CELF2: variants seen among roughly 807,000 people sequenced by gnomAD.
CELF2 encodes the protein CUG triplet repeat RNA-binding protein 2.
Under a neutral mutation model 62.6 loss-of-function variants are expected in CELF2, and 8 were observed. That is an observed-to-expected ratio of 0.13 (90% CI 0.07 to 0.23). The LOEUF (loss-of-function observed/expected upper bound fraction) is 0.23. Among genes scored for constraint, CELF2 ranks in the 10% least tolerant of loss-of-function variants. The probability of loss-of-function intolerance (pLI) is 1.00; values close to 1 mark genes in which losing one functional copy is unlikely to be tolerated. For synonymous variants in CELF2, 258 were observed against 250.0 expected, an observed-to-expected ratio of 1.03 and a Z score of -0.30; for missense variants, 333 against 671.0, an observed-to-expected ratio of 0.50 and a Z score of 5.56.
At chr10:11,042,634 C>G (rs2062038738) in intron 1 of CELF2, among the ~76,000 whole-genome samples, 3 of 152,150 alleles carry the variant, frequency 2.0e-5, no homozygotes, top group Admixed American at 1.3e-4. Flanking sequence ...ACTATCTTTT[C>G]CAGGACAATT....
intron 2 of CELF2, among the ~76,000 whole-genome samples, chr10:11,216,356 C>T (rs977696136): frequency 2.0e-5 from 3 of 152,180 alleles, no homozygotes; most frequent in African/African-American, 7.2e-5. Flanking sequence ...TGGCCCCTGT[C>T]TGGCTCCGTG....
At chr10:10,496,781 A>G in the CELF2 span, among the ~76,000 whole-genome samples, 1 of 151,978 alleles carries the variant, frequency 6.6e-6, no homozygotes, top group Admixed American at 6.5e-5. Context: ...ACTCCTAACT[A>G]CAGTCTCAGA....
chr10:10,637,419 C>T, the CELF2 span, among the ~76,000 whole-genome samples: 2 of 152,124 alleles, frequency 1.3e-5, no homozygotes, highest in African/African-American at 4.8e-5. Flanking sequence ...CCTTAGCCTC[C>T]CAGACAGAAT....
chr10:10,614,629 TA>T, the CELF2 span, among the ~76,000 whole-genome samples: 6 of 152,078 alleles, frequency 3.9e-5, no homozygotes, highest in East Asian at 1.2e-3. Flanking sequence ...TATTCGCAAA[TA>T]AAAATGAACA....
chr10:11,272,191 T>A (rs982347794), intron 7 of CELF2, among the ~76,000 whole-genome samples: 8 of 152,230 alleles, frequency 5.3e-5, no homozygotes, highest in Non-Finnish European at 1.2e-4. Flanking sequence ...TTGGCTCAGG[T>A]TCCCATCACT....
At chr10:10,669,612 G>A in the CELF2 span, among the ~76,000 whole-genome samples, 1 of 152,312 alleles carries the variant, frequency 6.6e-6, no homozygotes, top group African/African-American at 2.4e-5. Context: ...AAATGCATAA[G>A]GGGATAAAAG....
At chr10:10,756,959 T>C in the CELF2 span, among the ~76,000 whole-genome samples, 2 of 151,706 alleles carry the variant, frequency 1.3e-5, no homozygotes, top group African/African-American at 2.4e-5. Context: ...CTGGCCAATA[T>C]GGTGAAACCC....
At chr10:11,322,765 T>C (rs1194482087) in intron 11 of CELF2, among the ~76,000 whole-genome samples, 1 of 152,214 alleles carries the variant, frequency 6.6e-6, no homozygotes, top group African/African-American at 2.4e-5. Flanking sequence ...TCTCTTTGAC[T>C]ATTATGGTAG....
intron 2 of CELF2, chr10:10,951,775 C>T (rs2048345334): frequency 6.6e-6 from 1 of 152,314 alleles, no homozygotes; most frequent in Admixed American, 6.5e-5. Context: ...GCCTTGTGTT[C>T]TATCCACCTA....
At position 11,330,030 on chromosome 10, in the gene CELF2, T is replaced by C. The variant is rs1290753894; in HGVS notation, c.*977T>C. 2 of 152,670 alleles carry C rather than the reference T, an allele frequency of 1.3e-5. No homozygotes were observed. The highest frequency in any genetic ancestry group is 4.8e-5 in the African/African-American group (2 of 41,452). The allele number at this position is 152,670 out of a possible 1,614,324, so 9.5% of individuals were successfully genotyped here. On this transcript the variant is annotated 3_prime_UTR_variant, in exon 13 of 13. Transcript: ENST00000633077. The surrounding 1 kb of genome is among the most constrained non-coding windows in gnomAD (Gnocchi z 4.5). The stretch of plus-strand genomic sequence containing the variant: ...CTAGCTAGAACCTTCTGAAGTAGTC[T>C]CTAGAGGAATTGTTCTAGGAATGGG...
rs567743134 is a variant in CELF2, at chr10:10,853,780, C to T, written c.53+54963C>T. On this transcript the variant is annotated intron_variant, in intron 1 of 13. Transcript: ENST00000636488. ...CAGATTTTAGCTTCACACTAAACTA[C>T]GCACAGTGTAGGAGGGGTGGGATCC... Among the ~76,000 whole-genome samples the T allele has an allele frequency of 3.9e-5, 6 of 152,174 alleles. No individual in the cohort carries two copies. In the East Asian group the frequency reaches 7.7e-4, roughly 20 times the overall value.
Position 11,098,534 on chromosome 10 carries a change from T to C in CELF2, c.75-66952T>C, listed in dbSNP as rs2050552182. On this transcript the variant is annotated intron_variant, in intron 1 of 12. Coordinates refer to ENST00000633077, the MANE Select transcript of CELF2 (RefSeq NM_001326342.2). The surrounding 1 kb of genome is among the most constrained non-coding windows in gnomAD (Gnocchi z 4.0). ...GGGAAGAAATGAGGGAAAAAATGGA[T>C]GAGGAAGAGGGCCCAAAAAGAGATA... 1 of 152,218 alleles carries C rather than the reference T, an allele frequency of 6.6e-6. No homozygotes were observed. Among genetic ancestry groups the C allele is most frequent in the Non-Finnish European group, 1.5e-5 (1 of 68,034 alleles). 9.4% of individuals were successfully genotyped at this position (152,218 alleles called of 1,614,324 possible).
At chr10:10,679,065 A>C in the CELF2 span, among the ~76,000 whole-genome samples, 5 of 152,102 alleles carry the variant, frequency 3.3e-5, no homozygotes, top group Admixed American at 1.3e-4. Context: ...ATTTCAGGAG[A>C]GTTTTGTTTA....
the CELF2 span, among the ~76,000 whole-genome samples, chr10:10,478,063 G>A: frequency 3.7e-4 from 56 of 152,226 alleles, no homozygotes; most frequent in African/African-American, 1.2e-3. Flanking sequence ...GCCAGACACC[G>A]GATTCTATAT....
the CELF2 span, among the ~76,000 whole-genome samples, chr10:10,492,659 G>A: frequency 6.6e-6 from 1 of 152,154 alleles, no homozygotes; most frequent in Admixed American, 6.5e-5. Context: ...ACAAAAAGGT[G>A]GAAGTAACCC....
intron 1 of CELF2, among the ~76,000 whole-genome samples, chr10:10,869,435 G>A (rs562974794): frequency 9.2e-5 from 14 of 152,088 alleles, no homozygotes; most frequent in African/African-American, 2.7e-4. Context: ...GGTGGTGTAC[G>A]CCCGTAATCC....
intron 1 of CELF2, chr10:11,030,533 C>A (rs1287043862): frequency 6.6e-6 from 1 of 151,068 alleles, no homozygotes; most frequent in East Asian, 1.9e-4. Context: ...CTCCAAAGCC[C>A]GAGGTCGCAC....
the CELF2 span, among the ~76,000 whole-genome samples, chr10:10,661,147 A>T: frequency 6.6e-6 from 1 of 152,200 alleles, no homozygotes; most frequent in South Asian, 2.1e-4. Flanking sequence ...CAGTCCCAGA[A>T]ACTCCTTCCT....
intron 1 of CELF2, among the ~76,000 whole-genome samples, chr10:10,906,378 C>T (rs1035796962): frequency 1.3e-5 from 2 of 152,224 alleles, no homozygotes; most frequent in Non-Finnish European, 2.9e-5. Flanking sequence ...TTGCGCCAGC[C>T]ACTCACTGTC....
Sources: allele counts gnomAD v4.1 joint callset (sites outside exome capture counted in the v4.1 genomes callset), GRCh38; gene constraint gnomAD v4.1.1; non-coding constraint Gnocchi (gnomAD v3.1); transcripts MANE v1.5; gene names NCBI Gene and HGNC (gene_info 2026-07-23, HGNC 2026-07-21).